AIFM1: variants seen among roughly 807,000 people sequenced by gnomAD.
The protein encoded by AIFM1 is apoptosis-inducing factor 1, mitochondrial.
Under a neutral mutation model 51.7 loss-of-function variants are expected in AIFM1, and 3 were observed. That is an observed-to-expected ratio of 0.06 (90% CI 0.03 to 0.15). AIFM1 has a LOEUF of 0.15. AIFM1 is among the 10% of genes least tolerant of loss of function. AIFM1 has a pLI of 1.00. For synonymous variants in AIFM1, 178 were observed against 179.4 expected, an observed-to-expected ratio of 0.99 and a Z score of 0.06; for missense variants, 330 against 476.8, an observed-to-expected ratio of 0.69 and a Z score of 2.87.
At chrX:130,149,045 C>T (rs1299117458) in intron 3 of AIFM1, among the ~76,000 whole-genome samples, 1 of 105,106 alleles carries the variant, frequency 9.5e-6, no homozygotes, top group Non-Finnish European at 1.9e-5. Context: ...CCTCAGCCTC[C>T]CGAGCACCAG....
At chrX:130,135,803 C>T (rs1245688658) in intron 12 of AIFM1, among the ~76,000 whole-genome samples, 4 of 111,400 alleles carry the variant, frequency 3.6e-5, no homozygotes, top group African/African-American at 6.5e-5. Context: ...TAAGTAGAAC[C>T]GGAAGAGCTC....
chrX:130,138,413 C>T (rs907921544), intron 9 of AIFM1, among the ~76,000 whole-genome samples, 180 bp downstream of exon 9: 7 of 108,926 alleles, frequency 6.4e-5, no homozygotes, highest in South Asian at 3.9e-4. Flanking sequence ...TGCAGTGAGC[C>T]GAGATCGCGC....
chrX:130,131,264 A>T (rs1253100937), intron 14 of AIFM1, among the ~76,000 whole-genome samples: 1 of 112,225 alleles, frequency 8.9e-6, no homozygotes, highest in African/African-American at 3.2e-5. Context: ...TCTTAAGCTA[A>T]GCCTATCAGG....
intron 1 of AIFM1, among the ~76,000 whole-genome samples, chrX:130,160,401 C>CCA (rs1218301276): frequency 8.9e-6 from 1 of 111,924 alleles, no homozygotes; most frequent in East Asian, 2.8e-4. Flanking sequence ...TGCAGTCAGA[C>CCA]CACACATACA....
intron 14 of AIFM1, among the ~76,000 whole-genome samples, chrX:130,130,540 C>T (rs997006654): frequency 3.6e-5 from 4 of 112,593 alleles, no homozygotes; most frequent in African/African-American, 1.3e-4. Flanking sequence ...AATACAGTAG[C>T]CACTAGCCAC....
chrX:130,158,704 T>TAAAAAAAAAAAA (rs56253125), intron 1 of AIFM1, among the ~76,000 whole-genome samples: 9 of 44,078 alleles, frequency 2.0e-4, no homozygotes, highest in African/African-American at 8.0e-4. Context: ...GCTGATGAGC[T>TAAAAAAAAAAAA]AAAAAAAAAA....
At chrX:130,150,565 G>A (rs1480561668) in intron 2 of AIFM1, among the ~76,000 whole-genome samples, 1 of 105,149 alleles carries the variant, frequency 9.5e-6, no homozygotes, top group Non-Finnish European at 2.0e-5. Context: ...TCGATCTCCT[G>A]ACCTCGTGAT....
intron 14 of AIFM1, among the ~76,000 whole-genome samples, chrX:130,131,104 G>C (rs2124645306): frequency 8.9e-6 from 1 of 111,854 alleles, no homozygotes; most frequent in African/African-American, 3.3e-5. Context: ...GTTAATGAAA[G>C]AGACATGTGT....
At chrX:130,149,232 T>C (rs768224113) in intron 3 of AIFM1, among the ~76,000 whole-genome samples, 1 of 111,882 alleles carries the variant, frequency 8.9e-6, no homozygotes, top group Non-Finnish European at 1.9e-5. Context: ...AAGAGACTAA[T>C]ATTAATATAC....
intron 6 of AIFM1, among the ~76,000 whole-genome samples, chrX:130,142,211 G>A (rs1414006805): frequency 8.9e-6 from 1 of 111,830 alleles, no homozygotes; most frequent in Non-Finnish European, 1.9e-5. Flanking sequence ...TGCAGGTAGC[G>A]CTGGGAACAT....
At chrX:130,150,873 G>T (rs1002217874) in intron 2 of AIFM1, among the ~76,000 whole-genome samples, 21 of 99,984 alleles carry the variant, frequency 2.1e-4, no homozygotes, top group Non-Finnish European at 3.2e-4. Context: ...TACTTGGGAG[G>T]TTGAGGCATG....
At chrX:130,144,459 C>T (rs1318071216) in intron 6 of AIFM1, among the ~76,000 whole-genome samples, 1 of 112,171 alleles carries the variant, frequency 8.9e-6, no homozygotes, top group Non-Finnish European at 1.9e-5. Flanking sequence ...ACTGCTCTAT[C>T]AGTATCGAGC....
chrX:130,157,046 C>CG (rs963237360), intron 1 of AIFM1, among the ~76,000 whole-genome samples: 14 of 111,719 alleles, frequency 1.3e-4, no homozygotes, highest in African/African-American at 4.6e-4. Flanking sequence ...ACGCAACACT[C>CG]TAACCAGGAC....
At position 130,163,682 on chromosome X, in the gene AIFM1, T is replaced by G. The variant is rs573456395; in HGVS notation, c.106+1869A>C. On this transcript the variant is annotated intron_variant, in intron 1 of 15. Coordinates refer to ENST00000287295, the MANE Select transcript of AIFM1 (RefSeq NM_004208.4). The stretch of plus-strand genomic sequence containing the variant: ...TGCAGTGGAAAAAACCATTTGAGTC[T>G]GTATTTTTCAGTAGTTCTAACAACA... Among the ~76,000 whole-genome samples, 25 of 112,357 alleles carry G rather than the reference T, an allele frequency of 2.2e-4. No homozygotes were observed. The Admixed American group carries it at 2.4e-3, about 11-fold the overall frequency.
Position 130,146,449 on chromosome X carries a change from ATATG to A in AIFM1, c.606-884_606-881del, listed in dbSNP as rs1484660396. ...ACAGAGCCAGACCCTGTCTCTCAAA[ATATG>A]TGTGTGTGTGTGTGTGTGTGTGTGT... On this transcript the variant is annotated intron_variant, in intron 5 of 15. Coordinates refer to ENST00000287295, the MANE Select transcript of AIFM1 (RefSeq NM_004208.4). 7.7e-3 allele frequency among the ~76,000 whole-genome samples: 499 copies of A among 65,137 alleles called. 8 individuals are homozygous for A. The highest frequency in any genetic ancestry group is 0.035 in the African/African-American group (465 of 13,435). The allele number at this position is 65,137 out of a possible 115,157, so 56.6% of individuals were successfully genotyped here.
chrX:130,165,700 A>C lies in AIFM1; in HGVS notation c.-44T>G. ...GGACCTCCTCCTTCCCTTTCCTCTC[A>C]CGCACGACCGACGGGTCAAACACCG... On this transcript the variant is annotated 5_prime_UTR_variant, in exon 1 of 16. Transcript: ENST00000287295. 1 of 1,075,508 alleles carries C rather than the reference A, an allele frequency of 9.3e-7. No homozygotes were observed. The highest frequency in any genetic ancestry group is 1.3e-6 in the Non-Finnish European group (1 of 787,503). The allele number at this position is 1,075,508 out of a possible 1,213,427, so 88.6% of individuals were successfully genotyped here.
chrX:130,163,395 C>A lies in AIFM1; in HGVS notation c.106+2156G>T, dbSNP rs755437739. Among the ~76,000 whole-genome samples, 7 of 109,703 alleles carry A rather than the reference C, an allele frequency of 6.4e-5. No homozygotes were observed. The South Asian group carries it at 2.7e-3, about 43-fold the overall frequency. ...GCTCTTTCCCACCTGTGCAAAAACA[C>A]ACGGTAGATGCTACTACATGAAAAA... On this transcript the variant is annotated intron_variant, in intron 1 of 15. Coordinates refer to ENST00000287295, the MANE Select transcript of AIFM1 (RefSeq NM_004208.4).
chrX:130,152,410 A>C (rs2031017171), intron 2 of AIFM1, among the ~76,000 whole-genome samples: 1 of 112,010 alleles, frequency 8.9e-6, no homozygotes, highest in Non-Finnish European at 1.9e-5. Context: ...CTGTACTCCT[A>C]GTTTGCACAG....
chrX:130,165,432 A>C, intron 1 of AIFM1, 119 bp downstream of exon 1: 4 of 614,274 alleles, frequency 6.5e-6, no homozygotes, highest in Non-Finnish European at 1.1e-5. Context: ...CCAATTTGGA[A>C]TTCACGTGAC....
Sources: allele counts gnomAD v4.1 joint callset (sites outside exome capture counted in the v4.1 genomes callset), GRCh38; gene constraint gnomAD v4.1.1; transcripts MANE v1.5; gene names NCBI Gene and HGNC (gene_info 2026-07-23, HGNC 2026-07-21).